ANGPT2: variants seen among roughly 807,000 people sequenced by gnomAD.
ANGPT2 encodes the protein angiopoietin 2, also known as angiopoietin-2.
In ANGPT2, 28 loss-of-function variants were observed where a neutral mutation model predicts 62.9. The ratio of observed to expected loss-of-function variants is 0.44; its 90% CI spans 0.33 to 0.61. The LOEUF (loss-of-function observed/expected upper bound fraction) is 0.61. Among genes scored for constraint, ANGPT2 ranks in the 20% least tolerant of loss-of-function variants. The pLI, the probability that ANGPT2 is intolerant of heterozygous loss-of-function variation, is 0.03. For synonymous variants in ANGPT2, 284 were observed against 207.8 expected (o/e 1.37, Z -3.15); for missense variants, 727 against 594.9 (o/e 1.22, Z -2.31).
chr8:6,500,544 T>C lies in ANGPT2; in HGVS notation c.*2557A>G, dbSNP rs1811958081. 1 of 154,058 alleles carries C rather than the reference T, an allele frequency of 6.5e-6. No homozygotes were observed. The highest frequency in any genetic ancestry group is 2.4e-5 in the African/African-American group (1 of 41,468). The allele number at this position is 154,058 out of a possible 1,614,324, so 9.5% of individuals were successfully genotyped here. A position where few individuals can be genotyped will look rare whatever the true frequency, so the allele number is the denominator to read the frequency against. On this transcript the variant is annotated 3_prime_UTR_variant, in exon 9 of 9. Transcript: ENST00000629816. ...GCTGAAAGATAAATGGTGATTTTTA[T>C]CTGCCACTGGTGTTGTTATTTAGCT...
At chr8:6,553,200 G>C (rs1209434020) in intron 1 of ANGPT2, among the ~76,000 whole-genome samples, 3 of 152,196 alleles carry the variant, frequency 2.0e-5, no homozygotes, top group African/African-American at 7.2e-5. Context: ...GTGTGCCACG[G>C]AGGGGGGATA....
intron 1 of ANGPT2, 75 bp downstream of exon 1, chr8:6,562,572 G>GTTTTTAAAACCTGA: frequency 2.3e-5 from 1 of 42,834 alleles, no homozygotes; most frequent in Non-Finnish European, 4.8e-5. Flanking sequence ...TTTTTTTTTT[G>GTTTTTAAAACCTGA]GTTGTTAAAA....
rs139371810 is a variant in ANGPT2 at position 6,527,660 on chromosome 8, G to A, written c.461C>T (p.Thr154Met). 1.2e-5 allele frequency: 19 copies of A among 1,613,490 alleles called. No individual in the cohort carries two copies. Among genetic ancestry groups the A allele is most frequent in the Admixed American group, 3.3e-5 (2 of 59,994 alleles). ...DVEAQVLNQT[T>M]RLELQLLEHS... ...TTCCAAGAGCTGAAGTTCAAGTCTC[G>A]TGGTCTGATTTAATACCTAAATGTA... is the stretch of plus-strand genomic sequence containing the variant. The change falls in exon 3 of 9, where the codon ACG becomes ATG. Residue 154 changes from threonine to methionine, a missense_variant. Transcript: ENST00000629816.
intron 1 of ANGPT2, 49 bp from the exon 2 acceptor site, chr8:6,532,536 A>T (rs778832947): frequency 7.0e-7 from 1 of 1,426,662 alleles, no homozygotes; most frequent in South Asian, 1.5e-5. Flanking sequence ...ATGACCGGAA[A>T]CCTGATTCCT....
At chr8:6,561,941 C>G (rs1825604399) in intron 1 of ANGPT2, among the ~76,000 whole-genome samples, 1 of 152,200 alleles carries the variant, frequency 6.6e-6, no homozygotes, top group African/African-American at 2.4e-5. Flanking sequence ...ATGACTTGAA[C>G]ATAACCGTCC....
chr8:6,513,977 G>C, intron 6 of ANGPT2, 133 bp from the exon 7 acceptor site: 3 of 855,902 alleles, frequency 3.5e-6, no homozygotes, highest in Non-Finnish European at 5.3e-6. Flanking sequence ...TGACAATTTA[G>C]GGTCCTTCCC....
intron 1 of ANGPT2, among the ~76,000 whole-genome samples, chr8:6,546,693 G>C (rs1308904887): frequency 1.3e-5 from 2 of 152,112 alleles, no homozygotes; most frequent in Admixed American, 6.5e-5. Flanking sequence ...ATCACTAAGG[G>C]TCCCATGAGC....
At chr8:6,503,821 G>C (rs989783172) in intron 8 of ANGPT2, among the ~76,000 whole-genome samples, 1 of 152,208 alleles carries the variant, frequency 6.6e-6, no homozygotes, top group Non-Finnish European at 1.5e-5. Flanking sequence ...GCCAGGGCAG[G>C]AGAGGTGTCC....
At chr8:6,521,002 A>G (rs1397624758) in intron 4 of ANGPT2, among the ~76,000 whole-genome samples, 176 bp downstream of exon 4, 2 of 152,126 alleles carry the variant, frequency 1.3e-5, no homozygotes, top group East Asian at 3.8e-4. Context: ...GCTTCATAAT[A>G]ATTAGTATAA....
intron 8 of ANGPT2, 21 bp downstream of exon 8, chr8:6,508,911 A>T (rs753747916): frequency 1.2e-6 from 2 of 1,614,020 alleles, no homozygotes; most frequent in Non-Finnish European, 1.7e-6. Flanking sequence ...TACAAATAGG[A>T]AGACAGAAAG....
chr8:6,514,693 C>T lies in ANGPT2; in HGVS notation c.1013G>A (p.Trp338Ter). The change falls in exon 6 of 9, where the codon TGG becomes TAG. Residue 338 changes from tryptophan to a stop codon, truncating the protein, a stop_gained. Coordinates refer to ENST00000629816, the MANE Select transcript of ANGPT2 (RefSeq NM_001118887.2). LOFTEE classifies it high-confidence loss of function. ...EDGSVDFQRTWKEYKVGFGNP... is the reference protein window; with the variant it reads ...EDGSVDFQRT ...TGTCCTTACCACTTTATATTCTTTC[C>T]AAGTCCTCTGAAAATCAACGCTGCC... The T allele has an allele frequency of 6.2e-7, 1 of 1,613,954 alleles. No homozygotes were observed. The highest frequency in any genetic ancestry group is 8.5e-7 in the Non-Finnish European group (1 of 1,179,946).
chr8:6,508,854 T>C, intron 8 of ANGPT2, 78 bp downstream of exon 8: 1 of 1,575,376 alleles, frequency 6.3e-7, no homozygotes, highest in Non-Finnish European at 8.7e-7. Context: ...TCACAATTTG[T>C]AGTCCAAATT....
Position 6,505,294 on chromosome 8 carries a change from C to CT in ANGPT2, c.1328-2034_1328-2033insA, listed in dbSNP as rs1563305714. 2.9e-3 allele frequency among the ~76,000 whole-genome samples: 105 copies of CT among 36,778 alleles called. 5 individuals carry two copies. The highest frequency in any genetic ancestry group is 7.4e-3 in the African/African-American group (83 of 11,182). 24.1% of individuals were successfully genotyped at this position (36,778 alleles called of 152,430 possible). On this transcript the variant is annotated intron_variant, in intron 8 of 8. Transcript: ENST00000629816. ...TATGTATACATATATATGTTATATA[C>CT]ATATATATGTATATAACATATATAT...
chr8:6,550,827 C>T (rs1340062814), intron 1 of ANGPT2, among the ~76,000 whole-genome samples: 2 of 152,142 alleles, frequency 1.3e-5, no homozygotes, highest in African/African-American at 4.8e-5. Flanking sequence ...ACGATGTAAG[C>T]ACATGGCGTG....
At position 6,513,691 on chromosome 8, in the gene ANGPT2, C is replaced by G. The variant is rs775238160; in HGVS notation, c.1183G>C (p.Glu395Gln). 6 of 1,609,306 alleles carry G rather than the reference C, an allele frequency of 3.7e-6. No individual in the cohort carries two copies. The South Asian group carries it at 5.6e-5, about 15-fold the overall frequency. ...LYEHFYLSSE[E>Q]LNYRIHLKGL... is the part of the protein sequence containing the mutation. ...GAACTCACTTACCTATAATTGAGTT[C>G]TTCACTTGAGAGATAGAAATGTTCA... The change falls in exon 7 of 9, where the codon GAA (glutamate) becomes CAA (glutamine). Residue 395 changes from glutamate to glutamine, a missense_variant. Glu to Gln is a conservative substitution (Grantham distance 29, BLOSUM62 2). Coordinates refer to ENST00000629816, the MANE Select transcript of ANGPT2 (RefSeq NM_001118887.2).
At chr8:6,515,830 C>T (rs1247271479) in intron 5 of ANGPT2, among the ~76,000 whole-genome samples, 11 of 152,140 alleles carry the variant, frequency 7.2e-5, no homozygotes, top group East Asian at 3.9e-4. Context: ...TAAGCTTCAA[C>T]GCACACTGTT....
chr8:6,504,641 G>C (rs1265573401), intron 8 of ANGPT2, among the ~76,000 whole-genome samples: 1 of 152,156 alleles, frequency 6.6e-6, no homozygotes, highest in Non-Finnish European at 1.5e-5. Context: ...AAGTGAAAAG[G>C]TGAAAGTTCC....
chr8:6,510,454 C>G (rs1814817180), intron 7 of ANGPT2, among the ~76,000 whole-genome samples: 1 of 152,146 alleles, frequency 6.6e-6, no homozygotes, highest in Non-Finnish European at 1.5e-5. Flanking sequence ...AATATAATTT[C>G]TAACAGTTTG....
rs756311077 is a variant in ANGPT2, at chr8:6,521,410, A to G, written c.567T>C (p.Ser189=). Residue 189 remains serine, a splice_region_variant and synonymous_variant, in exon 4 of 9, where the codon AGT becomes AGC. Coordinates refer to ENST00000629816, the MANE Select transcript of ANGPT2 (RefSeq NM_001118887.2). The part of the protein sequence containing the change: ...SEINKLQDKN[S]FLEKKVLAME... ...TAGCTAGCACCTTCTTTTCTAGGAAACTTGTAAGGAAAAGAATTGTTAGTT... is the reference window on the plus strand; with the variant it reads ...TAGCTAGCACCTTCTTTTCTAGGAAGCTTGTAAGGAAAAGAATTGTTAGTT... 6.2e-7 allele frequency: 1 copy of G among 1,602,990 alleles called. No homozygotes were observed. The highest frequency in any genetic ancestry group is 8.5e-7 in the Non-Finnish European group (1 of 1,174,618).
Sources: gnomAD v4.1 joint callset for allele counts (sites outside exome capture counted in the v4.1 genomes callset) on GRCh38, gnomAD v4.1.1 for gene constraint, MANE v1.5 for transcripts, NCBI Gene and HGNC (gene_info 2026-07-23, HGNC 2026-07-21) for gene names.